Variants in CCDC175 observed in about 807,000 individuals in gnomAD.
The protein encoded by CCDC175 is coiled-coil domain containing 175, also known as coiled-coil domain-containing protein 175.
In CCDC175, 100 loss-of-function variants were observed where a neutral mutation model predicts 114.6. That is an observed-to-expected ratio of 0.87 (90% CI 0.74 to 1.03). The LOEUF (loss-of-function observed/expected upper bound fraction) is 1.03. CCDC175 is among the 50% of genes least tolerant of loss of function. CCDC175 has a pLI of 0.00. For synonymous variants in CCDC175, 306 were observed against 308.7 expected, an observed-to-expected ratio of 0.99 and a Z score of 0.09; for missense variants, 880 against 917.8, an observed-to-expected ratio of 0.96 and a Z score of 0.53.
At chr14:59,505,588 C>T (rs765884498) in intron 19 of CCDC175, among the ~76,000 whole-genome samples, 17 of 152,234 alleles carry the variant, frequency 1.1e-4, no homozygotes, top group Non-Finnish European at 2.4e-4. Context: ...CAAGGCCTCA[C>T]GGGCAAATAA....
intron 13 of CCDC175, among the ~76,000 whole-genome samples, chr14:59,532,194 C>A (rs2140008608): frequency 6.6e-6 from 1 of 152,244 alleles, no homozygotes; most frequent in African/African-American, 2.4e-5. Context: ...TGAACACTAC[C>A]ATGTATACAG....
intron 7 of CCDC175, among the ~76,000 whole-genome samples, chr14:59,559,328 A>T (rs1436107802): frequency 2.0e-5 from 3 of 152,192 alleles, no homozygotes; most frequent in Admixed American, 2.0e-4. Context: ...ATCAATGATA[A>T]GAAAGAACAA....
chr14:59,563,782 T>A lies in CCDC175; in HGVS notation c.798A>T (p.Gln266His). The change falls in exon 6 of 20, where the codon CAA becomes CAT. Residue 266 changes from glutamine (Q) to histidine (H), a missense_variant. Transcript: ENST00000537690. The part of the protein sequence containing the change: ...YQKKKELDKL[Q>H]TKMSKIKETV... ...TTTCTTTTATTTTTGACATTTTAGTTTGTAATTTATCCAATTCTTTCTTCT... is the reference window on the plus strand; with the variant it reads ...TTTCTTTTATTTTTGACATTTTAGTATGTAATTTATCCAATTCTTTCTTCT... 1 of 1,437,626 alleles carries A rather than the reference T, an allele frequency of 7.0e-7. No individual in the cohort carries two copies. The highest frequency in any genetic ancestry group is 9.1e-7 in the Non-Finnish European group (1 of 1,095,576). The allele number at this position is 1,437,626 out of a possible 1,614,324, so 89.1% of individuals were successfully genotyped here. A position where few individuals can be genotyped will look rare whatever the true frequency, so the allele number is the denominator to read the frequency against.
At chr14:59,576,473 G>T in intron 1 of CCDC175, 146 bp downstream of exon 1, 2 of 747,194 alleles carry the variant, frequency 2.7e-6, no homozygotes, top group Non-Finnish European at 3.8e-6. Context: ...TCTCTCCCCA[G>T]CCTCCAAGGA....
rs77999217 is a variant in CCDC175 at position 59,542,513 on chromosome 14, C to T, written c.1283+831G>A. Among the ~76,000 whole-genome samples, 1,292 of 152,150 alleles carry T rather than the reference C, an allele frequency of 8.5e-3. 11 individuals carry two copies. Among genetic ancestry groups the T allele is most frequent in the African/African-American group, 0.029 (1,214 of 41,504 alleles). On this transcript the variant is annotated intron_variant, in intron 10 of 19. Transcript: ENST00000537690. ...ATATGGGTAGAGAGAGATATGTTAA[C>T]TTCAAATATTTGTAATATAGGCAAC...
At chr14:59,513,646 A>T (rs1892880969) in intron 17 of CCDC175, among the ~76,000 whole-genome samples, 1 of 152,136 alleles carries the variant, frequency 6.6e-6, no homozygotes. Flanking sequence ...CTGAGGCTTG[A>T]CTAGGTAAAC....
intron 19 of CCDC175, 113 bp from the exon 20 acceptor site, chr14:59,505,428 G>T: frequency 4.5e-6 from 2 of 449,320 alleles, no homozygotes; most frequent in East Asian, 3.3e-5. Flanking sequence ...TTGAGTAATT[G>T]TATAATCGGG....
At chr14:59,546,646 C>T (rs1265735286) in intron 8 of CCDC175, among the ~76,000 whole-genome samples, 3 of 151,926 alleles carry the variant, frequency 2.0e-5, no homozygotes, top group African/African-American at 7.3e-5. Flanking sequence ...GAACAAAAGC[C>T]AACATGTAAT....
At chr14:59,505,558 A>G (rs1299638061) in intron 19 of CCDC175, 2 of 295,176 alleles carry the variant, frequency 6.8e-6, no homozygotes, top group Non-Finnish European at 1.2e-5. Context: ...GTATATATGC[A>G]AAAGAAGAAA....
chr14:59,576,234 C>T (rs1398906429), intron 1 of CCDC175, among the ~76,000 whole-genome samples: 2 of 152,154 alleles, frequency 1.3e-5, no homozygotes, highest in African/African-American at 4.8e-5. Context: ...TCCAGTTTGC[C>T]ACGGCAAAAT....
At chr14:59,529,470 T>C (rs1230681640) in intron 14 of CCDC175, among the ~76,000 whole-genome samples, 1 of 152,216 alleles carries the variant, frequency 6.6e-6, no homozygotes, top group Non-Finnish European at 1.5e-5. Context: ...CCTTTAGCCC[T>C]GTGACTCATC....
In CCDC175 at chr14:59,576,722, C is replaced by A; in HGVS notation, c.54G>T (p.Gln18His). The A allele has an allele frequency of 6.8e-7, 1 of 1,476,850 alleles. No individual in the cohort carries two copies. The highest frequency in any genetic ancestry group is 8.9e-7 in the Non-Finnish European group (1 of 1,122,490). 91.5% of individuals were successfully genotyped at this position (1,476,850 alleles called of 1,614,324 possible). ...AGGGGCCAGTGGAGACGGCAGCCGC[C>A]TGCACCAGCTTCTCGCCAGCGCCCA... is the stretch of plus-strand genomic sequence containing the variant. ...PGLGAGEKLV[Q>H]AAAVSTGPSL... is the part of the protein sequence containing the mutation. Residue 18 changes from glutamine (Q) to histidine (H), a missense_variant, in exon 1 of 20, where the codon CAG becomes CAT. Coordinates refer to ENST00000537690, the MANE Select transcript of CCDC175 (RefSeq NM_001164399.2).
chr14:59,513,726 C>T (rs1892884990), intron 17 of CCDC175, among the ~76,000 whole-genome samples: 2 of 152,210 alleles, frequency 1.3e-5, no homozygotes, highest in African/African-American at 2.4e-5. Flanking sequence ...CCTCTGTAGA[C>T]TCCACCTCTG....
chr14:59,537,951 G>A (rs1894507394), intron 13 of CCDC175, 72 bp downstream of exon 13: 1 of 1,016,722 alleles, frequency 9.8e-7, no homozygotes, highest in Non-Finnish European at 1.4e-6. Context: ...GATTAGAATA[G>A]CATGAAATAT....
chr14:59,527,454 C>T (rs957804600), intron 14 of CCDC175, among the ~76,000 whole-genome samples: 21 of 151,992 alleles, frequency 1.4e-4, no homozygotes, highest in African/African-American at 5.1e-4. Flanking sequence ...TTTCCATTTA[C>T]TTAGTCCCAT....
chr14:59,525,560 G>A (rs2139992111), intron 15 of CCDC175, 126 bp from the exon 16 acceptor site: 1 of 636,076 alleles, frequency 1.6e-6, no homozygotes, highest in South Asian at 2.5e-5. Context: ...GCAGAGGATA[G>A]ATATTCTTCC....
At position 59,516,963 on chromosome 14, in the gene CCDC175, T is replaced by A. The variant is rs555250769; in HGVS notation, c.2098+4611A>T. Among the ~76,000 whole-genome samples the A allele has an allele frequency of 8.5e-5, 13 of 152,298 alleles. No individual in the cohort carries two copies. In the South Asian group the frequency reaches 1.2e-3, roughly 15 times the overall value. On this transcript the variant is annotated intron_variant, in intron 17 of 19. Coordinates refer to ENST00000537690, the MANE Select transcript of CCDC175 (RefSeq NM_001164399.2). The stretch of plus-strand genomic sequence containing the variant: ...GAATCCAGCAGCACATCAAAAAGCT[T>A]ATCCACCATGATCAAGAGGGCTTCA...
intron 14 of CCDC175, 115 bp from the exon 15 acceptor site, chr14:59,527,289 A>G (rs924151364): frequency 9.1e-6 from 5 of 549,144 alleles, no homozygotes; most frequent in Admixed American, 3.9e-5. Context: ...ACAAAAACCA[A>G]CTGTCAGGCA....
chr14:59,565,085 C>G lies in CCDC175; in HGVS notation c.682G>C (p.Ala228Pro), dbSNP rs990942075. Residue 228 changes from alanine (A) to proline (P), a missense_variant, in exon 5 of 20, where the codon GCA becomes CCA. Coordinates refer to ENST00000537690, the MANE Select transcript of CCDC175 (RefSeq NM_001164399.2). ...EAEELMEKER[A>P]EYLIRKQELT... is the part of the protein sequence containing the mutation. ...TCTTGTTTTCTTATTAGATATTCTG[C>G]CCTTTCTTTTTCCATTAGCTCCTCT... The G allele has an allele frequency of 9.5e-5, 146 of 1,537,232 alleles. No individual in the cohort carries two copies. Among genetic ancestry groups the G allele is most frequent in the Non-Finnish European group, 1.2e-4 (135 of 1,146,864 alleles).
Sources: gnomAD v4.1 joint callset for allele counts (sites outside exome capture counted in the v4.1 genomes callset) on GRCh38, gnomAD v4.1.1 for gene constraint, MANE v1.5 for transcripts, NCBI Gene and HGNC (gene_info 2026-07-23, HGNC 2026-07-21) for gene names.